Variants in PGAP4 observed in about 807,000 individuals in gnomAD.
PGAP4 encodes the protein GPI-N-acetylgalactosamine transferase PGAP4.
PGAP4 carries 12 observed loss-of-function variants against 28.2 expected under a neutral mutation model. The ratio of observed to expected loss-of-function variants is 0.42; its 90% CI spans 0.27 to 0.69. The LOEUF (loss-of-function observed/expected upper bound fraction) is 0.69, where lower values mean the gene tolerates loss of function less well. Among genes scored for constraint, PGAP4 ranks in the 30% least tolerant of loss-of-function variants. The pLI, the probability that PGAP4 is intolerant of heterozygous loss-of-function variation, is 0.22. For synonymous variants in PGAP4, 205 were observed against 211.8 expected, an observed-to-expected ratio of 0.97 and a Z score of 0.28; for missense variants, 425 against 513.5, an observed-to-expected ratio of 0.83 and a Z score of 1.67.
At chr9:101,492,216 C>A (rs956082696) in intron 2 of PGAP4, among the ~76,000 whole-genome samples, 1 of 150,380 alleles carries the variant, frequency 6.6e-6, no homozygotes, top group Admixed American at 6.6e-5. Flanking sequence ...TTTTTTGAGA[C>A]GGAGTCTCGC....
At chr9:101,481,624 A>C (rs1297168424) in intron 1 of PGAP4, 1 of 152,204 alleles carries the variant, frequency 6.6e-6, no homozygotes, top group Non-Finnish European at 1.5e-5. Flanking sequence ...CTGAGAAATG[A>C]ACATGAACTA....
chr9:101,522,044 T>C (rs1196937408), intron 2 of PGAP4, among the ~76,000 whole-genome samples: 4 of 152,186 alleles, frequency 2.6e-5, no homozygotes, highest in African/African-American at 9.7e-5. Flanking sequence ...TTGGAGTCGA[T>C]GTTCAGTTTT....
chr9:101,510,074 C>A (rs1826882552), intron 2 of PGAP4, among the ~76,000 whole-genome samples: 1 of 152,196 alleles, frequency 6.6e-6, no homozygotes, highest in African/African-American at 2.4e-5. Flanking sequence ...GTAGGCTCAT[C>A]AACCTGGATT....
chr9:101,493,631 TAA>T (rs890708497), intron 2 of PGAP4, among the ~76,000 whole-genome samples: 1 of 152,200 alleles, frequency 6.6e-6, no homozygotes, highest in African/African-American at 2.4e-5. Context: ...TAAGGGGACA[TAA>T]GTTTCATTAT....
At chr9:101,485,837 A>G (rs553522098) in intron 1 of PGAP4, among the ~76,000 whole-genome samples, 3 of 152,238 alleles carry the variant, frequency 2.0e-5, no homozygotes, top group East Asian at 3.9e-4. Context: ...TCCTTACAAC[A>G]TTCTAATAAT....
At chr9:101,487,227 A>C (rs1016835471), upstream of PGAP4, 1 of 152,248 alleles carries the variant, frequency 6.6e-6, no homozygotes, top group African/African-American at 2.4e-5. Flanking sequence ...GCGCCAACTG[A>C]TGGGCAGCCA....
intron 2 of PGAP4, among the ~76,000 whole-genome samples, chr9:101,508,693 A>T (rs1053195448): frequency 1.5e-4 from 23 of 152,190 alleles, no homozygotes; most frequent in Admixed American, 1.5e-3. Context: ...ATTCAAGTGC[A>T]TTACATTTAT....
intron 2 of PGAP4, among the ~76,000 whole-genome samples, chr9:101,494,714 AC>A (rs910417028): frequency 8.6e-5 from 13 of 151,840 alleles, no homozygotes; most frequent in African/African-American, 3.1e-4. Flanking sequence ...GATTGCAAAA[AC>A]TTTTAAAGGA....
chr9:101,511,112 C>A (rs1458072549), intron 2 of PGAP4, among the ~76,000 whole-genome samples: 1 of 152,172 alleles, frequency 6.6e-6, no homozygotes, highest in Non-Finnish European at 1.5e-5. Context: ...AACCTAGATC[C>A]CTCACATGTG....
chr9:101,480,331 C>G (rs1826446418), intron 1 of PGAP4, among the ~76,000 whole-genome samples: 1 of 151,930 alleles, frequency 6.6e-6, no homozygotes, highest in Non-Finnish European at 1.5e-5. Context: ...ACTCTAGGAC[C>G]CAGGCAGATA....
Position 101,502,777 on chromosome 9 carries a change from A to G in PGAP4, c.-164-13577T>C, listed in dbSNP as rs567661110. ...CAGGTCAGAGGCCAGAAGAACATGAATCCTGGCTCTGTCAGAGTCTTCAGA... is the reference window on the plus strand; with the variant it reads ...CAGGTCAGAGGCCAGAAGAACATGAGTCCTGGCTCTGTCAGAGTCTTCAGA... On this transcript the variant is annotated intron_variant, in intron 2 of 3. Coordinates refer to the PGAP4 transcript ENST00000374851. 1.4e-3 allele frequency among the ~76,000 whole-genome samples: 209 copies of G among 152,184 alleles called. 1 individual carries two copies. Among genetic ancestry groups the G allele is most frequent in the Non-Finnish European group, 2.5e-3 (167 of 67,984 alleles).
intron 2 of PGAP4, chr9:101,501,832 T>A: frequency 1.0e-5 from 5 of 493,678 alleles, no homozygotes; most frequent in Admixed American, 4.2e-5. Flanking sequence ...CTCCAGTAAA[T>A]ACAAAAAAGG....
chr9:101,533,663 T>C (rs1417964164), upstream of PGAP4: 1 of 152,234 alleles, frequency 6.6e-6, no homozygotes, highest in Non-Finnish European at 1.5e-5. Context: ...GCCCGAGTAC[T>C]CTTAGAGGTC....
intron 1 of PGAP4, among the ~76,000 whole-genome samples, chr9:101,483,984 A>T (rs574701002): frequency 6.6e-6 from 1 of 152,342 alleles, no homozygotes; most frequent in South Asian, 2.1e-4. Flanking sequence ...TCACAGTTCA[A>T]CAACTAGGCA....
At chr9:101,493,064 C>T (rs1234925491) in intron 2 of PGAP4, among the ~76,000 whole-genome samples, 1 of 151,886 alleles carries the variant, frequency 6.6e-6, no homozygotes, top group African/African-American at 2.4e-5. Context: ...ACCATCCTGG[C>T]CAACATGGTG....
At chr9:101,505,790 C>T (rs1826843892) in intron 2 of PGAP4, among the ~76,000 whole-genome samples, 1 of 152,012 alleles carries the variant, frequency 6.6e-6, no homozygotes, top group African/African-American at 2.4e-5. Flanking sequence ...CCAACCCTAC[C>T]CACCCCCTTT....
At position 101,475,427 on chromosome 9, in the gene PGAP4, A is replaced by T. The variant is rs1826269634; in HGVS notation, c.*454T>A. The T allele has an allele frequency of 5.5e-6, 1 of 181,118 alleles. No homozygotes were observed. The highest frequency in any genetic ancestry group is 1.2e-4 in the South Asian group (1 of 8,356). 11.2% of individuals were successfully genotyped at this position (181,118 alleles called of 1,614,324 possible). ...CATGGTCCTGCCTCGTTGGGCATAT[A>T]TTCTAAACATACATCCATTTTCATA... On this transcript the variant is annotated 3_prime_UTR_variant, in exon 2 of 2. Coordinates refer to ENST00000374848, the MANE Select transcript of PGAP4 (RefSeq NM_032342.3).
chr9:101,507,340 T>C (rs1826856498), intron 2 of PGAP4, among the ~76,000 whole-genome samples: 1 of 152,136 alleles, frequency 6.6e-6, no homozygotes, highest in African/African-American at 2.4e-5. Flanking sequence ...TCAGATACTG[T>C]TCACTATTTG....
chr9:101,518,877 A>G (rs1345658334), intron 2 of PGAP4, among the ~76,000 whole-genome samples: 1 of 152,188 alleles, frequency 6.6e-6, no homozygotes, highest in Non-Finnish European at 1.5e-5. Flanking sequence ...TAGTTCTTTA[A>G]GGAATCTCCA....
Sources: gnomAD v4.1 joint callset for allele counts (sites outside exome capture counted in the v4.1 genomes callset) on GRCh38, gnomAD v4.1.1 for gene constraint, MANE v1.5 for transcripts, NCBI Gene and HGNC (gene_info 2026-07-23, HGNC 2026-07-21) for gene names.